Variants in ABCC2 observed in about 807,000 individuals in gnomAD.
ABCC2 encodes the protein ATP binding cassette subfamily C member 2.
In ABCC2, 157 loss-of-function variants were observed where a neutral mutation model predicts 173.4. The observed-to-expected ratio is 0.91, with a 90% CI of 0.80 to 1.03. ABCC2 has a LOEUF of 1.03. Ranked by LOEUF, ABCC2 falls within the 50% of genes least tolerant of loss-of-function variation. The probability of loss-of-function intolerance (pLI) is 0.00; values close to 1 mark genes in which losing one functional copy is unlikely to be tolerated. For missense variants in ABCC2, 1,822 were observed against 1,852.3 expected (o/e 0.98, Z 0.30); for synonymous variants, 657 against 693.5 (o/e 0.95, Z 0.83).
intron 16 of ABCC2, among the ~76,000 whole-genome samples, chr10:99,814,656 C>CACATACACACACAT (rs2038354589): frequency 1.2e-5 from 1 of 82,194 alleles, no homozygotes; most frequent in Admixed American, 1.1e-4. Context: ...TATACACACA[C>CACATACACACACAT]ATATGTGTAT....
chr10:99,811,645 A>C, intron 15 of ABCC2, 43 bp downstream of exon 15: 9 of 1,603,560 alleles, frequency 5.6e-6, no homozygotes, highest in Non-Finnish European at 7.7e-6. Flanking sequence ...TAGCATTCTC[A>C]CTGCCTGGCC....
At chr10:99,830,646 A>G (rs1368496606) in intron 20 of ABCC2, 70 bp from the exon 21 acceptor site, 2 of 1,608,280 alleles carry the variant, frequency 1.2e-6, no homozygotes, top group African/African-American at 1.3e-5. Context: ...CAGCTGAGTG[A>G]CTGTGACATC....
At chr10:99,850,833 T>G (rs779608404) in intron 31 of ABCC2, 37 bp downstream of exon 31, 3 of 1,609,978 alleles carry the variant, frequency 1.9e-6, no homozygotes, top group Non-Finnish European at 2.6e-6. Flanking sequence ...ACGGATGGCT[T>G]AACCCTTGCT....
intron 26 of ABCC2, among the ~76,000 whole-genome samples, chr10:99,842,615 T>C (rs1413169547): frequency 1.3e-5 from 2 of 152,186 alleles, no homozygotes; most frequent in Non-Finnish European, 2.9e-5. Context: ...CCTAAGACAG[T>C]GGCTGGCACT....
At chr10:99,840,250 GGCGGCGGCGGCTGCGGTCGGTC>G (rs2038912630) in intron 25 of ABCC2, among the ~76,000 whole-genome samples, 2 of 138,328 alleles carry the variant, frequency 1.4e-5, no homozygotes, top group African/African-American at 2.6e-5. Context: ...CCGGCGGTCG[GGCGGCGGCGGCTGCGGTCGGTC>G]GCGGCAGCGG....
chr10:99,805,434 T>C lies in ABCC2; in HGVS notation c.1517T>C (p.Leu506Pro), dbSNP rs1392211638. 4 of 1,613,842 alleles carry C rather than the reference T, an allele frequency of 2.5e-6. No individual in the cohort carries two copies. In the African/African-American group the frequency reaches 5.3e-5, roughly 22 times the overall value. The change falls in exon 11 of 32, where the codon CTT (leucine) becomes CCT (proline). Residue 506 changes from leucine (L) to proline (P), a missense_variant. By Grantham distance (98) the Leu-to-Pro change is moderately conservative (BLOSUM62 -3). Coordinates refer to ENST00000647814, the MANE Select transcript of ABCC2 (RefSeq NM_000392.5). The part of the protein sequence containing the change: ...DKRLKIMNEI[L>P]SGIKILKYFA... ...CGTTTAAAGATCATGAATGAGATTC[T>C]TAGTGGAATCAAGGTGAGAATCTGA...
intron 20 of ABCC2, 85 bp downstream of exon 20, chr10:99,830,518 G>T (rs1302599160): frequency 1.2e-5 from 19 of 1,596,964 alleles, no homozygotes; most frequent in Non-Finnish European, 1.5e-5. Context: ...CTTTTCCTGT[G>T]AGGGTTAACA....
intron 11 of ABCC2, 133 bp downstream of exon 11, chr10:99,805,580 G>T: frequency 1.1e-6 from 1 of 877,680 alleles, no homozygotes. Flanking sequence ...TTTGTTTCAT[G>T]TCCTCCTGTC....
At chr10:99,834,343 C>T (rs745686700) in intron 23 of ABCC2, 37 bp from the exon 24 acceptor site, 5 of 1,609,640 alleles carry the variant, frequency 3.1e-6, no homozygotes, top group Non-Finnish European at 4.3e-6. Flanking sequence ...TTAGGAAGAC[C>T]TCAGTGATGG....
rs1564674353 is a variant in ABCC2 at position 99,799,184 on chromosome 10, CTGT to C, written c.868-18_868-16del. The C allele has an allele frequency of 1.2e-6, 2 of 1,613,548 alleles. No homozygotes were observed. Among genetic ancestry groups the C allele is most frequent in the Non-Finnish European group, 1.7e-6 (2 of 1,179,898 alleles). On this transcript the variant is annotated intron_variant, in intron 7 of 31. Transcript: ENST00000647814. ...AGTAACAGACATAACTCTGTGGACA[CTGT>C]TGTTTGGTTTTGTACCTAGGAAGAT...
chr10:99,796,517 AAAG>A (rs757992332), intron 6 of ABCC2, among the ~76,000 whole-genome samples: 21 of 152,122 alleles, frequency 1.4e-4, no homozygotes, highest in East Asian at 7.7e-4. Context: ...AGAAACAAAA[AAAG>A]AAGAAGAAGA....
chr10:99,843,703 T>G lies in ABCC2; in HGVS notation c.3742-96T>G, dbSNP rs191075636. ...TCCCTTGTAGAGTCCAGCACAGTGCTGGGTACAAAGTCGGCACTGGATTGT... is the reference window on the plus strand; with the variant it reads ...TCCCTTGTAGAGTCCAGCACAGTGCGGGGTACAAAGTCGGCACTGGATTGT... On this transcript the variant is annotated intron_variant, in intron 26 of 31. Transcript: ENST00000647814. 4,185 of 980,852 alleles carry G rather than the reference T, an allele frequency of 4.3e-3. 22 individuals are homozygous for G. Among genetic ancestry groups the G allele is most frequent in the Non-Finnish European group, 5.9e-3 (3,549 of 601,530 alleles). 60.8% of individuals were successfully genotyped at this position (980,852 alleles called of 1,614,324 possible). A position where few individuals can be genotyped will look rare whatever the true frequency, so the allele number is the denominator to read the frequency against.
Position 99,830,310 on chromosome 10 carries a change from A to G in ABCC2, c.2624A>G (p.His875Arg), listed in dbSNP as rs1258429983. ...HTGPEEEATV[H>R]DGSEEEDDDY... Reference sequence around the variant, plus strand: ...AACCTCTACTGTGTCTCCCTAGTCCATGATGGCAGTGAAGAAGAAGACGAT... The same window carrying G: ...AACCTCTACTGTGTCTCCCTAGTCCGTGATGGCAGTGAAGAAGAAGACGAT... The change falls in exon 20 of 32, where the codon CAT (histidine) becomes CGT (arginine). Residue 875 changes from histidine to arginine, a missense_variant. Transcript: ENST00000647814. 1.2e-6 allele frequency: 2 copies of G among 1,614,212 alleles called. No homozygotes were observed. Among genetic ancestry groups the G allele is most frequent in the East Asian group, 4.5e-5 (2 of 44,888 alleles).
rs766602484 is a variant in ABCC2, at chr10:99,836,293, G to A, written c.3614+3G>A. On this transcript the variant is annotated splice_donor_region_variant and intron_variant, in intron 25 of 31. Coordinates refer to ENST00000647814, the MANE Select transcript of ABCC2 (RefSeq NM_000392.5). ...TTTTCCTGGATCACCTCCAACAGGT[G>A]AGGCTTCCCCTGGGTATTTACCCAT... 25 of 1,614,032 alleles carry A rather than the reference G, an allele frequency of 1.5e-5. No homozygotes were observed. Among genetic ancestry groups the A allele is most frequent in the Non-Finnish European group, 2.0e-5 (24 of 1,180,016 alleles).
At chr10:99,793,835 A>T in intron 4 of ABCC2, 57 bp from the exon 5 acceptor site, 1 of 1,574,286 alleles carries the variant, frequency 6.4e-7, no homozygotes, top group Non-Finnish European at 8.7e-7. Context: ...TATACGGGCC[A>T]TGTAGACTTC....
chr10:99,814,267 G>GTATA lies in ABCC2; in HGVS notation c.2094+1124_2094+1127dup, dbSNP rs1315628917. ...CACACACGTATGTATACACACGTAT[G>GTATA]TATACACACGTATGTATACACACAC... On this transcript the variant is annotated intron_variant, in intron 16 of 31. Coordinates refer to ENST00000647814, the MANE Select transcript of ABCC2 (RefSeq NM_000392.5). Among the ~76,000 whole-genome samples, 23 of 26,128 alleles carry GTATA rather than the reference G, an allele frequency of 8.8e-4. 4 individuals carry two copies. Among genetic ancestry groups the GTATA allele is most frequent in the African/African-American group, 3.3e-3 (23 of 7,038 alleles). The allele number at this position is 26,128 out of a possible 152,430, so 17.1% of individuals were successfully genotyped here. A position where few individuals can be genotyped will look rare whatever the true frequency, so the allele number is the denominator to read the frequency against.
intron 11 of ABCC2, 144 bp from the exon 12 acceptor site, chr10:99,807,240 C>A (rs2038125091): frequency 1.8e-6 from 2 of 1,102,074 alleles, no homozygotes; most frequent in Non-Finnish European, 2.7e-6. Flanking sequence ...CAAATACAAG[C>A]TACCTTTCTG....
chr10:99,825,596 C>T (rs2038623220), intron 19 of ABCC2, among the ~76,000 whole-genome samples: 1 of 152,248 alleles, frequency 6.6e-6, no homozygotes, highest in Admixed American at 6.5e-5. Flanking sequence ...GTCTCCTGGA[C>T]TGGCACTCCA....
At chr10:99,826,243 G>A (rs982605993) in intron 19 of ABCC2, among the ~76,000 whole-genome samples, 3 of 152,164 alleles carry the variant, frequency 2.0e-5, no homozygotes, top group Admixed American at 6.5e-5. Context: ...TGAGCCATAA[G>A]CATAGCTTTA....
Sources: allele counts gnomAD v4.1 joint callset (sites outside exome capture counted in the v4.1 genomes callset), GRCh38; gene constraint gnomAD v4.1.1; transcripts MANE v1.5; gene names NCBI Gene and HGNC (gene_info 2026-07-23, HGNC 2026-07-21).